Variants in PHKA2 observed in about 807,000 individuals in gnomAD.
PHKA2 encodes the protein phosphorylase b kinase regulatory subunit alpha, liver isoform.
Under a neutral mutation model 102.0 loss-of-function variants are expected in PHKA2, and 31 were observed. That is an observed-to-expected ratio of 0.30 (90% CI 0.23 to 0.41). The LOEUF (loss-of-function observed/expected upper bound fraction) is 0.41, where lower values mean the gene tolerates loss of function less well. PHKA2 is among the 10% of genes least tolerant of loss of function. The pLI is 1.00. For synonymous variants in PHKA2, 455 were observed against 416.2 expected, an observed-to-expected ratio of 1.09 and a Z score of -1.13; for missense variants, 858 against 1,023.1, an observed-to-expected ratio of 0.84 and a Z score of 2.20.
intron 29 of PHKA2, chrX:18,898,282 G>C (rs142820380): frequency 0.024 from 2,690 of 112,712 alleles, 36 homozygotes; most frequent in Middle Eastern, 0.074. Context: ...TCCAGAGGGG[G>C]ACACTGTCTG....
Position 18,910,953 on chromosome X carries a change from G to C in PHKA2, c.2145C>G (p.Pro715=). The change falls in exon 20 of 33, where the codon CCC becomes CCG. Residue 715 remains proline, a synonymous_variant. Transcript: ENST00000379942. ...KAKGLEVPFV[P]MTLPTKVLSA... ...TTAGAACTTTAGTCGGCAAAGTCAT[G>C]GGAACAACTGGAAAACAAAAGAATA... 8.6e-7 allele frequency: 1 copy of C among 1,161,329 alleles called. No homozygotes were observed. The highest frequency in any genetic ancestry group is 1.2e-6 in the Non-Finnish European group (1 of 854,253).
At position 18,953,588 on chromosome X, in the gene PHKA2, A is replaced by G. The variant is rs1440852912; in HGVS notation, c.237+666T>C. Among the ~76,000 whole-genome samples the G allele has an allele frequency of 2.7e-5, 3 of 112,411 alleles. No homozygotes were observed. In the East Asian group the frequency reaches 8.3e-4, roughly 31 times the overall value. ...GCTGTGGTGAGGTGACTTTTAAAAA[A>G]CATATCAGTTTATGATGATGTCTTG... On this transcript the variant is annotated intron_variant, in intron 2 of 32. Transcript: ENST00000379942.
In PHKA2 at chrX:18,945,080, T is replaced by G. The variant is rs1313110004; in HGVS notation, c.616A>C (p.Lys206Gln). 1 of 1,171,259 alleles carries G rather than the reference T, an allele frequency of 8.5e-7. No homozygotes were observed. The highest frequency in any genetic ancestry group is 1.2e-6 in the Non-Finnish European group (1 of 858,349). ...ELNASSVGMA[K>Q]AALEAIDELD... ...AGAACAAACAGGACAACTGTCACCT[T>G]GGCCATTCCTACGGAGCTTGCATTC... The change falls in exon 6 of 33, where the codon AAG becomes CAG. Residue 206 changes from lysine (K) to glutamine (Q), a missense_variant and splice_region_variant. Physicochemically the swap from Lys to Gln is moderately conservative, Grantham distance 53. Coordinates refer to ENST00000379942, the MANE Select transcript of PHKA2 (RefSeq NM_000292.3).
intron 26 of PHKA2, among the ~76,000 whole-genome samples, chrX:18,903,562 C>T (rs973540317): frequency 5.3e-5 from 6 of 112,324 alleles, no homozygotes; most frequent in Admixed American, 4.7e-4. Flanking sequence ...TGGAGGAGAG[C>T]CCATGCCCAG....
rs1185795215 is a variant in PHKA2 at position 18,936,061 on chromosome X, A to G, written c.1131T>C (p.Pro377=). 1.7e-6 allele frequency: 2 copies of G among 1,197,282 alleles called. No homozygotes were observed. Among genetic ancestry groups the G allele is most frequent in the Non-Finnish European group, 2.3e-6 (2 of 882,369 alleles). ...RLVPELYAVP[P]NKVDEEYKNP... ...CCCTCTGCCACTGGGTTACCTTGTT[A>G]GGCGGGACAGCGTAGAGTTCAGGCA... The change falls in exon 11 of 33, where the codon CCT becomes CCC. Residue 377 remains proline, a synonymous_variant. Transcript: ENST00000379942.
intron 9 of PHKA2, 65 bp from the exon 10 acceptor site, chrX:18,938,814 C>T: frequency 5.8e-6 from 6 of 1,042,715 alleles, no homozygotes; most frequent in Non-Finnish European, 8.1e-6. Context: ...ACCATTGTGC[C>T]TCATGGGGTT....
At chrX:18,951,861 C>T (rs1164822227) in intron 3 of PHKA2, among the ~76,000 whole-genome samples, 1 of 109,648 alleles carries the variant, frequency 9.1e-6, no homozygotes, top group African/African-American at 3.3e-5. Flanking sequence ...GAAAATATAC[C>T]CTTTTACAAA....
intron 12 of PHKA2, among the ~76,000 whole-genome samples, chrX:18,929,969 G>C (rs1176505543): frequency 1.8e-5 from 2 of 112,453 alleles, no homozygotes; most frequent in Non-Finnish European, 3.8e-5. Context: ...CACTCAGAAG[G>C]AAAGAGCGCT....
chrX:18,908,166 G>T, intron 21 of PHKA2, 110 bp from the exon 22 acceptor site: 1 of 754,315 alleles, frequency 1.3e-6, no homozygotes, highest in Non-Finnish European at 2.1e-6. Context: ...GTGCCCCTGA[G>T]TCTCACTGAG....
chrX:18,963,220 G>A (rs923949183), intron 1 of PHKA2, among the ~76,000 whole-genome samples: 1 of 112,641 alleles, frequency 8.9e-6, no homozygotes, highest in African/African-American at 3.2e-5. Context: ...CCAGCTGCAG[G>A]GAAGGATATG....
chrX:18,980,182 G>A (rs573482977), intron 1 of PHKA2, among the ~76,000 whole-genome samples: 1 of 112,985 alleles, frequency 8.9e-6, no homozygotes, highest in African/African-American at 3.2e-5. Flanking sequence ...GCGGAAAGCC[G>A]CAGGGACCTC....
At chrX:18,922,893 G>C (rs771174556) in intron 17 of PHKA2, among the ~76,000 whole-genome samples, 1 of 110,566 alleles carries the variant, frequency 9.0e-6, no homozygotes, top group South Asian at 3.9e-4. Flanking sequence ...ACTTTGCTGT[G>C]GTAGGAGTGT....
At chrX:18,973,477 G>GT (rs964477942) in intron 1 of PHKA2, among the ~76,000 whole-genome samples, 1 of 111,598 alleles carries the variant, frequency 9.0e-6, no homozygotes, top group Non-Finnish European at 1.9e-5. Context: ...TGATCATGAT[G>GT]TTTTTTATAT....
intron 1 of PHKA2, among the ~76,000 whole-genome samples, chrX:18,980,325 G>C (rs779393832): frequency 6.2e-5 from 7 of 112,526 alleles, no homozygotes; most frequent in African/African-American, 9.7e-5. Flanking sequence ...AGGAAGATTA[G>C]TAAAAGAGGA....
At chrX:18,944,571 G>T (rs1321647193) in intron 6 of PHKA2, among the ~76,000 whole-genome samples, 2 of 111,629 alleles carry the variant, frequency 1.8e-5, no homozygotes, top group African/African-American at 6.5e-5. Flanking sequence ...TGTTTGGCTT[G>T]AAGAGTATTT....
chrX:18,964,797 A>AT (rs1405302600), intron 1 of PHKA2, among the ~76,000 whole-genome samples: 2 of 112,844 alleles, frequency 1.8e-5, no homozygotes, highest in Non-Finnish European at 3.7e-5. Flanking sequence ...TAAAAGATAG[A>AT]TTTTGTACAA....
At chrX:18,920,461 A>G (rs1951139238) in intron 17 of PHKA2, among the ~76,000 whole-genome samples, 1 of 111,618 alleles carries the variant, frequency 9.0e-6, no homozygotes, top group Non-Finnish European at 1.9e-5. Context: ...CACAAATACG[A>G]CTCTATTTTA....
At chrX:18,929,422 A>T (rs1218194895) in intron 12 of PHKA2, 116 bp from the exon 13 acceptor site, 4 of 540,844 alleles carry the variant, frequency 7.4e-6, no homozygotes, top group Non-Finnish European at 1.3e-5. Context: ...TTTTTTCTTT[A>T]TATTTTTCGA....
chrX:18,978,495 T>C (rs762165317), intron 1 of PHKA2, among the ~76,000 whole-genome samples: 12 of 110,706 alleles, frequency 1.1e-4, no homozygotes, highest in South Asian at 3.8e-4. Flanking sequence ...GGGCGGATCA[T>C]GAGGTCAGGA....
Sources: gnomAD v4.1 joint callset for allele counts (sites outside exome capture counted in the v4.1 genomes callset) on GRCh38, gnomAD v4.1.1 for gene constraint, MANE v1.5 for transcripts, NCBI Gene and HGNC (gene_info 2026-07-23, HGNC 2026-07-21) for gene names.